PTPRQ: variants seen among roughly 807,000 people sequenced by gnomAD.
PTPRQ encodes protein tyrosine phosphatase receptor type Q.
Under a neutral mutation model 246.0 loss-of-function variants are expected in PTPRQ, and 199 were observed. That is an observed-to-expected ratio of 0.81 (90% CI 0.72 to 0.91). PTPRQ has a LOEUF of 0.91. Among genes scored for constraint, PTPRQ ranks in the 40% least tolerant of loss-of-function variants. The probability of loss-of-function intolerance (pLI) is 0.00; values close to 1 mark genes in which losing one functional copy is unlikely to be tolerated. For synonymous variants in PTPRQ, 869 were observed against 853.2 expected, an observed-to-expected ratio of 1.02 and a Z score of -0.32; for missense variants, 2,624 against 2,528.4, an observed-to-expected ratio of 1.04 and a Z score of -0.81.
intron 3 of PTPRQ, among the ~76,000 whole-genome samples, chr12:80,454,979 C>T (rs947005132): frequency 6.6e-6 from 1 of 152,112 alleles, no homozygotes; most frequent in South Asian, 2.1e-4. Flanking sequence ...CAAGACCAGC[C>T]TGGCCAATAT....
intron 24 of PTPRQ, among the ~76,000 whole-genome samples, chr12:80,548,471 A>T (rs1403081694): frequency 1.3e-5 from 2 of 152,140 alleles, no homozygotes; most frequent in Non-Finnish European, 2.9e-5. Flanking sequence ...CATATTCCCT[A>T]AATATTCTCC....
chr12:80,523,341 G>A (rs1312757982), intron 17 of PTPRQ, among the ~76,000 whole-genome samples: 1 of 152,060 alleles, frequency 6.6e-6, no homozygotes, highest in Non-Finnish European at 1.5e-5. Context: ...TTTTTTTGAA[G>A]GGTTTTTTGT....
chr12:80,631,788 G>C (rs1899444602), intron 33 of PTPRQ, among the ~76,000 whole-genome samples: 1 of 152,164 alleles, frequency 6.6e-6, no homozygotes, highest in Admixed American at 6.5e-5. Flanking sequence ...GAGGTGGGAG[G>C]ATACAGTTGA....
intron 25 of PTPRQ, among the ~76,000 whole-genome samples, chr12:80,557,875 C>T (rs949493284): frequency 1.2e-4 from 18 of 152,140 alleles, no homozygotes; most frequent in African/African-American, 4.3e-4. Flanking sequence ...CCTGGCATCT[C>T]TCCTCATTCT....
intron 27 of PTPRQ, among the ~76,000 whole-genome samples, chr12:80,608,144 A>G (rs1258248702): frequency 6.6e-6 from 1 of 150,722 alleles, no homozygotes; most frequent in African/African-American, 2.4e-5. Flanking sequence ...CGGGGTAGGA[A>G]GAGAAAAAAA....
intron 27 of PTPRQ, among the ~76,000 whole-genome samples, chr12:80,608,497 C>T (rs768364229): frequency 8.3e-5 from 12 of 144,674 alleles, no homozygotes; most frequent in African/African-American, 1.8e-4. Flanking sequence ...TCATATTTTG[C>T]GACTTGATAT....
At position 80,652,768 on chromosome 12, in the gene PTPRQ, C is replaced by T; in HGVS notation, c.6049C>T (p.Leu2017Phe). The change falls in exon 38 of 45, where the codon CTT becomes TTT. Residue 2017 changes from leucine to phenylalanine, a missense_variant. Leu to Phe is a conservative substitution (Grantham distance 22). Coordinates refer to ENST00000644991, the MANE Select transcript of PTPRQ (RefSeq NM_001145026.2). ...GGAATTACCAAAATTTCTTCAGGAT[C>T]TTTCTTCAACTGATGCTGATCTGCC... ...FSELPKFLQDLSSTDADLPWN... is the reference protein window; with the variant it reads ...FSELPKFLQDFSSTDADLPWN... The T allele has an allele frequency of 6.7e-7, 1 of 1,501,056 alleles. No homozygotes were observed. Among genetic ancestry groups the T allele is most frequent in the Non-Finnish European group, 8.9e-7 (1 of 1,127,290 alleles). 93.0% of individuals were successfully genotyped at this position (1,501,056 alleles called of 1,614,324 possible). A position where few individuals can be genotyped will look rare whatever the true frequency, so the allele number is the denominator to read the frequency against.
At chr12:80,478,202 C>T (rs1893890670) in intron 8 of PTPRQ, among the ~76,000 whole-genome samples, 1 of 148,374 alleles carries the variant, frequency 6.7e-6, no homozygotes, top group South Asian at 2.1e-4. Context: ...GAAACTGCCT[C>T]CTCAAGTGGG....
intron 3 of PTPRQ, among the ~76,000 whole-genome samples, chr12:80,448,269 C>T (rs1458611590): frequency 6.6e-6 from 1 of 151,952 alleles, no homozygotes; most frequent in African/African-American, 2.4e-5. Context: ...AATTGTTTAT[C>T]AAGTCTAGGA....
At chr12:80,468,927 C>T (rs1397936506) in intron 7 of PTPRQ, 89 bp downstream of exon 7, 3 of 1,465,646 alleles carry the variant, frequency 2.0e-6, no homozygotes, top group East Asian at 2.6e-5. Flanking sequence ...AAGTATCAGA[C>T]TCTTTTTAAA....
intron 25 of PTPRQ, among the ~76,000 whole-genome samples, chr12:80,570,436 T>G (rs981833244): frequency 7.9e-5 from 12 of 152,186 alleles, no homozygotes; most frequent in African/African-American, 2.7e-4. Context: ...GTTGTTTGTT[T>G]TTTTTCTTGT....
rs1893020559 is a variant in PTPRQ, at chr12:80,457,619, A to G, written c.435A>G (p.Pro145=). Reference sequence around the variant, plus strand: ...CTGGCATTGGAGTGTTTAGTGATCCATTTCTCTTCCAAACTGCAGAAAGTG... The same window carrying G: ...CTGGCATTGGAGTGTTTAGTGATCCGTTTCTCTTCCAAACTGCAGAAAGTG... ...NSAGIGVFSD[P]FLFQTAESAP... Residue 145 remains proline, a synonymous_variant, in exon 4 of 45, where the codon CCA becomes CCG. Coordinates refer to ENST00000644991, the MANE Select transcript of PTPRQ (RefSeq NM_001145026.2). 7.5e-6 allele frequency: 3 copies of G among 400,092 alleles called. No homozygotes were observed. The highest frequency in any genetic ancestry group is 4.4e-5 in the Admixed American group (1 of 22,704). The allele number at this position is 400,092 out of a possible 1,614,324, so 24.8% of individuals were successfully genotyped here.
At chr12:80,445,409 T>C (rs1476558188) in intron 2 of PTPRQ, 82 bp from the exon 3 acceptor site, 4 of 881,662 alleles carry the variant, frequency 4.5e-6, no homozygotes, top group Non-Finnish European at 6.7e-6. Flanking sequence ...AAATTTTACA[T>C]TTATAAATAC....
chr12:80,453,327 C>A (rs200913112), intron 3 of PTPRQ, among the ~76,000 whole-genome samples: 1 of 152,148 alleles, frequency 6.6e-6, no homozygotes, highest in Non-Finnish European at 1.5e-5. Context: ...TCCTGTAGCT[C>A]GGAGTAGTTT....
chr12:80,625,832 A>C (rs1250664865), intron 33 of PTPRQ, among the ~76,000 whole-genome samples: 1 of 152,166 alleles, frequency 6.6e-6, no homozygotes, highest in Non-Finnish European at 1.5e-5. Flanking sequence ...TTTATTATCA[A>C]AATTCACAAA....
At position 80,479,851 on chromosome 12, in the gene PTPRQ, A is replaced by G. The variant is rs1893970558; in HGVS notation, c.1187-4582A>G. Among the ~76,000 whole-genome samples the G allele has an allele frequency of 2.0e-5, 3 of 152,268 alleles. No individual in the cohort carries two copies. In the South Asian group the frequency reaches 6.2e-4, roughly 32 times the overall value. The stretch of plus-strand genomic sequence containing the variant: ...GCCTAAATATATATGCACCCAATAC[A>G]GGAGCACCCAGATTCATAAAGCAAG... On this transcript the variant is annotated intron_variant, in intron 8 of 44. Coordinates refer to ENST00000644991, the MANE Select transcript of PTPRQ (RefSeq NM_001145026.2).
Position 80,605,159 on chromosome 12 carries a change from T to C in PTPRQ, c.4710T>C (p.Cys1570=). 2 of 1,542,658 alleles carry C rather than the reference T, an allele frequency of 1.3e-6. No homozygotes were observed. The highest frequency in any genetic ancestry group is 1.8e-6 in the Non-Finnish European group (2 of 1,142,034). The change falls in exon 27 of 45, where the codon TGT becomes TGC. Residue 1570 remains cysteine (C), a synonymous_variant. Transcript: ENST00000644991. ...CTGCTGTCATTACTGGACCAACATGTTATCTGATTGATGTCAAATCGGTAA... is the reference window on the plus strand; with the variant it reads ...CTGCTGTCATTACTGGACCAACATGCTATCTGATTGATGTCAAATCGGTAA... ...SEPAVITGPT[C]YLIDVKSVDN...
Position 80,678,969 on chromosome 12 carries a change from G to T in PTPRQ, c.6863-17G>T. 6.5e-7 allele frequency: 1 copy of T among 1,538,828 alleles called. No individual in the cohort carries two copies. Among genetic ancestry groups the T allele is most frequent in the Non-Finnish European group, 8.8e-7 (1 of 1,142,266 alleles). On this transcript the variant is annotated splice_polypyrimidine_tract_variant and intron_variant, in intron 44 of 44. Coordinates refer to ENST00000644991, the MANE Select transcript of PTPRQ (RefSeq NM_001145026.2). Reference sequence around the variant, plus strand: ...TAACTTCAACACTCTCTTGTAACATGTTACTTTCTGTTATAGGTGATGTTG... The same window carrying T: ...TAACTTCAACACTCTCTTGTAACATTTTACTTTCTGTTATAGGTGATGTTG...
chr12:80,549,732 C>T lies in PTPRQ; in HGVS notation c.4283C>T (p.Thr1428Ile). 1 of 1,373,528 alleles carries T rather than the reference C, an allele frequency of 7.3e-7. No individual in the cohort carries two copies. The highest frequency in any genetic ancestry group is 1.4e-5 in the African/African-American group (1 of 71,248). 85.1% of individuals were successfully genotyped at this position (1,373,528 alleles called of 1,614,324 possible). ...TGCCATGTCAGCACACTACCTGAAA[C>T]AGGTAACTAACGTGAAACAGGTAAC... ...STCHVSTLPE[T>I]VPSVPTNIAF... The change falls in exon 25 of 45, where the codon ACA becomes ATA. Residue 1428 changes from threonine (T) to isoleucine (I), a missense_variant and splice_region_variant. Thr to Ile is a moderately conservative substitution (Grantham distance 89). Transcript: ENST00000644991.
Sources: allele counts gnomAD v4.1 joint callset (sites outside exome capture counted in the v4.1 genomes callset), GRCh38; gene constraint gnomAD v4.1.1; transcripts MANE v1.5; gene names NCBI Gene and HGNC (gene_info 2026-07-23, HGNC 2026-07-21).